CNTNAP2: variants seen among roughly 807,000 people sequenced by gnomAD.
The protein encoded by CNTNAP2 is contactin-associated protein-like 2.
In CNTNAP2, 98 loss-of-function variants were observed where a neutral mutation model predicts 155.2. That is an observed-to-expected ratio of 0.63 (90% CI 0.54 to 0.75). The LOEUF (loss-of-function observed/expected upper bound fraction) is 0.75, where lower values mean the gene tolerates loss of function less well. CNTNAP2 is among the 30% of genes least tolerant of loss of function. CNTNAP2 has a pLI of 0.00. For synonymous variants in CNTNAP2, 651 were observed against 631.2 expected, an observed-to-expected ratio of 1.03 and a Z score of -0.47; for missense variants, 1,727 against 1,688.1, an observed-to-expected ratio of 1.02 and a Z score of -0.40.
chr7:147,979,856 C>T (rs963661642), intron 15 of CNTNAP2, among the ~76,000 whole-genome samples: 1 of 151,902 alleles, frequency 6.6e-6, no homozygotes, highest in Non-Finnish European at 1.5e-5. Context: ...CTCCTGACCC[C>T]GGGTGATCCA....
chr7:147,429,445 T>C (rs1797432193), intron 10 of CNTNAP2, among the ~76,000 whole-genome samples: 1 of 152,038 alleles, frequency 6.6e-6, no homozygotes, highest in Non-Finnish European at 1.5e-5. Context: ...GTTTTTTTCT[T>C]GTTGATTTGA....
At chr7:146,157,332 A>G (rs1798142286) in intron 1 of CNTNAP2, among the ~76,000 whole-genome samples, 2 of 152,196 alleles carry the variant, frequency 1.3e-5, no homozygotes, top group Non-Finnish European at 2.9e-5. Context: ...TCCCAGCGTG[A>G]GCAACGCAGA....
chr7:148,325,830 C>T (rs935573735), intron 21 of CNTNAP2, among the ~76,000 whole-genome samples: 40 of 152,218 alleles, frequency 2.6e-4, no homozygotes, highest in African/African-American at 9.6e-4. Context: ...CAGCCAAGAA[C>T]TTCAGGGAGG....
chr7:148,296,254 C>T (rs1797282388), intron 21 of CNTNAP2, among the ~76,000 whole-genome samples: 1 of 151,978 alleles, frequency 6.6e-6, no homozygotes, highest in Admixed American at 6.6e-5. Context: ...CAAAATTATC[C>T]TGTGAAATTG....
intron 13 of CNTNAP2, among the ~76,000 whole-genome samples, chr7:147,836,244 C>T (rs75313998): frequency 0.044 from 6,772 of 152,228 alleles, 274 homozygotes; most frequent in Admixed American, 0.12. Context: ...ACACACGTAA[C>T]GGCTCCCCTA....
chr7:146,528,824 C>G (rs1480138521), intron 1 of CNTNAP2, among the ~76,000 whole-genome samples: 1 of 151,976 alleles, frequency 6.6e-6, no homozygotes, highest in Non-Finnish European at 1.5e-5. Context: ...GAGAGAGAGA[C>G]AGTGATATGC....
intron 8 of CNTNAP2, among the ~76,000 whole-genome samples, chr7:147,261,157 C>T (rs1188121499): frequency 1.3e-5 from 2 of 152,096 alleles, no homozygotes; most frequent in East Asian, 1.9e-4. Flanking sequence ...TAGTAATGCC[C>T]TTCTAATTTA....
intron 12 of CNTNAP2, among the ~76,000 whole-genome samples, chr7:147,593,328 T>C (rs1800773945): frequency 6.7e-6 from 1 of 150,260 alleles, no homozygotes; most frequent in Non-Finnish European, 1.5e-5. Flanking sequence ...TTTACAGTTG[T>C]GGAAATTTAA....
chr7:148,285,441 C>T (rs1418252139), intron 21 of CNTNAP2, among the ~76,000 whole-genome samples: 2 of 152,200 alleles, frequency 1.3e-5, no homozygotes, highest in Non-Finnish European at 2.9e-5. Context: ...AGAAGTGAGC[C>T]TTATTCCATT....
chr7:146,474,266 T>TTA (rs1796841638), intron 1 of CNTNAP2, among the ~76,000 whole-genome samples: 4 of 149,290 alleles, frequency 2.7e-5, no homozygotes, highest in South Asian at 2.1e-4. Flanking sequence ...TTCTGAATAT[T>TTA]TATATATATA....
At chr7:146,439,029 C>T (rs1796282652) in intron 1 of CNTNAP2, among the ~76,000 whole-genome samples, 1 of 151,224 alleles carries the variant, frequency 6.6e-6, no homozygotes, top group South Asian at 2.1e-4. Context: ...AAACAGAAAA[C>T]AGTGTAGGAT....
intron 8 of CNTNAP2, among the ~76,000 whole-genome samples, chr7:147,293,557 T>C (rs1805357366): frequency 6.6e-6 from 1 of 152,178 alleles, no homozygotes; most frequent in South Asian, 2.1e-4. Context: ...GCTCTCAAGA[T>C]TGAATATTGA....
chr7:147,703,602 T>C (rs1453390054), intron 13 of CNTNAP2, among the ~76,000 whole-genome samples: 1 of 152,190 alleles, frequency 6.6e-6, no homozygotes, highest in Non-Finnish European at 1.5e-5. Flanking sequence ...TGTATGTATT[T>C]ATGAGATACA....
intron 3 of CNTNAP2, among the ~76,000 whole-genome samples, chr7:146,947,410 C>CTCTATA (rs1554413860): frequency 5.7e-5 from 7 of 122,672 alleles, no homozygotes; most frequent in African/African-American, 1.6e-4. Flanking sequence ...CTCTCTCTCT[C>CTCTATA]TATATATATA....
chr7:147,903,774 G>A (rs1799915174), intron 14 of CNTNAP2, 53 bp downstream of exon 14: 4 of 1,599,140 alleles, frequency 2.5e-6, no homozygotes, highest in Non-Finnish European at 3.4e-6. Context: ...GTGCCTTTGT[G>A]TCAAACTCAT....
intron 12 of CNTNAP2, among the ~76,000 whole-genome samples, chr7:147,568,453 T>C (rs966923852): frequency 2.0e-5 from 3 of 152,146 alleles, no homozygotes; most frequent in Non-Finnish European, 4.4e-5. Flanking sequence ...GCATTTCAAG[T>C]GCTGCACAGT....
intron 15 of CNTNAP2, among the ~76,000 whole-genome samples, chr7:148,098,127 C>A (rs1212033652): frequency 3.3e-5 from 5 of 152,036 alleles, no homozygotes; most frequent in Admixed American, 6.6e-5. Context: ...AAAACATGTT[C>A]TGAAGCTGGA....
chr7:147,173,853 G>A (rs950585508), intron 8 of CNTNAP2, among the ~76,000 whole-genome samples: 9 of 152,124 alleles, frequency 5.9e-5, no homozygotes, highest in African/African-American at 2.2e-4. Context: ...CACCTGAGGT[G>A]GTTCTGACCG....
chr7:147,589,570 A>G (rs574860691), intron 12 of CNTNAP2, among the ~76,000 whole-genome samples: 3 of 152,126 alleles, frequency 2.0e-5, no homozygotes, highest in Admixed American at 2.0e-4. Context: ...TGTATGTCTT[A>G]AAAATATATT....
Sources: gnomAD v4.1 joint callset for allele counts (sites outside exome capture counted in the v4.1 genomes callset) on GRCh38, gnomAD v4.1.1 for gene constraint, MANE v1.5 for transcripts, NCBI Gene and HGNC (gene_info 2026-07-23, HGNC 2026-07-21) for gene names.